Variants in GULP1 observed in about 807,000 individuals in gnomAD.
GULP1 encodes GULP PTB domain containing engulfment adaptor 1.
Under a neutral mutation model 40.9 loss-of-function variants are expected in GULP1, and 19 were observed. The ratio of observed to expected loss-of-function variants is 0.46; its 90% CI spans 0.32 to 0.68. The LOEUF (loss-of-function observed/expected upper bound fraction) is 0.68, where lower values mean the gene tolerates loss of function less well. Among genes scored for constraint, GULP1 ranks in the 30% least tolerant of loss-of-function variants. The pLI is 0.03. For synonymous variants in GULP1, 119 were observed against 117.6 expected, an observed-to-expected ratio of 1.01 and a Z score of -0.08; for missense variants, 312 against 362.2, an observed-to-expected ratio of 0.86 and a Z score of 1.12.
intron 1 of GULP1, among the ~76,000 whole-genome samples, chr2:188,337,667 G>T (rs937337995): frequency 6.6e-6 from 1 of 151,880 alleles, no homozygotes; most frequent in African/African-American, 2.4e-5. Flanking sequence ...GTAGACTTTG[G>T]TGAGTGTGCC....
At chr2:188,344,689 G>A (rs562288026) in intron 1 of GULP1, among the ~76,000 whole-genome samples, 96 of 152,184 alleles carry the variant, frequency 6.3e-4, no homozygotes, top group Non-Finnish European at 1.1e-3. Context: ...ATCCAGTTGT[G>A]TGGCTATTCT....
At chr2:188,344,916 A>G (rs1335066014) in intron 1 of GULP1, among the ~76,000 whole-genome samples, 2 of 152,252 alleles carry the variant, frequency 1.3e-5, no homozygotes, top group South Asian at 2.1e-4. Context: ...ATCTTTCAAA[A>G]TAAATAGATA....
At chr2:188,313,145 T>C (rs558711821) in intron 1 of GULP1, among the ~76,000 whole-genome samples, 1 of 152,354 alleles carries the variant, frequency 6.6e-6, no homozygotes, top group Admixed American at 6.5e-5. Flanking sequence ...TTGTCAATTT[T>C]GGCTTTTGTT....
intron 3 of GULP1, among the ~76,000 whole-genome samples, chr2:188,479,674 T>A (rs999160873): frequency 1.1e-4 from 17 of 152,142 alleles, no homozygotes; most frequent in South Asian, 6.2e-4. Context: ...GACCTTCTTT[T>A]TATATATATA....
At chr2:188,432,238 C>T (rs2056951301) in intron 2 of GULP1, among the ~76,000 whole-genome samples, 1 of 151,464 alleles carries the variant, frequency 6.6e-6, no homozygotes, top group African/African-American at 2.4e-5. Flanking sequence ...TAATTTACTA[C>T]AATTTAAGAT....
chr2:188,531,225 C>T (rs1437987622), intron 6 of GULP1, among the ~76,000 whole-genome samples: 10 of 152,204 alleles, frequency 6.6e-5, no homozygotes, highest in African/African-American at 2.4e-4. Context: ...GTTTCGCATG[C>T]ACATTAAAGT....
intron 1 of GULP1, among the ~76,000 whole-genome samples, chr2:188,367,145 C>T (rs936838007): frequency 2.0e-5 from 3 of 152,180 alleles, no homozygotes; most frequent in Non-Finnish European, 4.4e-5. Context: ...TGTTGTTTCA[C>T]TACCATAGAG....
intron 1 of GULP1, among the ~76,000 whole-genome samples, chr2:188,343,904 G>A (rs9288154): frequency 0.035 from 5,316 of 152,250 alleles, 174 homozygotes; most frequent in African/African-American, 0.086. Flanking sequence ...CCAGGTTCAA[G>A]CAATTCTCCT....
chr2:188,484,360 A>G (rs2061687297), intron 4 of GULP1, among the ~76,000 whole-genome samples: 1 of 152,214 alleles, frequency 6.6e-6, no homozygotes, highest in African/African-American at 2.4e-5. Flanking sequence ...AATTCAGTTT[A>G]AAACAGAGAC....
At chr2:188,471,039 T>G (rs1379404143) in intron 2 of GULP1, among the ~76,000 whole-genome samples, 2 of 152,122 alleles carry the variant, frequency 1.3e-5, no homozygotes, top group Non-Finnish European at 2.9e-5. Context: ...TGTATTGGAG[T>G]CTAACTCTAT....
intron 4 of GULP1, among the ~76,000 whole-genome samples, chr2:188,485,403 A>T (rs1045559149): frequency 6.6e-6 from 1 of 152,076 alleles, no homozygotes; most frequent in Non-Finnish European, 1.5e-5. Flanking sequence ...ATATGGCCTC[A>T]TGAGTGATAA....
intron 2 of GULP1, among the ~76,000 whole-genome samples, chr2:188,433,149 A>G (rs761863822): frequency 1.3e-5 from 2 of 152,138 alleles, no homozygotes; most frequent in Non-Finnish European, 1.5e-5. Flanking sequence ...ATGAAGTACT[A>G]AAAACCCCAG....
At chr2:188,522,899 A>G in intron 5 of GULP1, 72 bp downstream of exon 5, 1 of 950,310 alleles carries the variant, frequency 1.1e-6, no homozygotes. Flanking sequence ...GATGGAGATC[A>G]AAGCATGAAC....
At chr2:188,424,781 T>C (rs1262399149) in intron 2 of GULP1, among the ~76,000 whole-genome samples, 1 of 151,992 alleles carries the variant, frequency 6.6e-6, no homozygotes, top group Non-Finnish European at 1.5e-5. Flanking sequence ...CTCTCTGTTT[T>C]TGTTTCCCAT....
chr2:188,566,667 G>A (rs189766140), intron 7 of GULP1, among the ~76,000 whole-genome samples: 8 of 151,448 alleles, frequency 5.3e-5, no homozygotes, highest in Middle Eastern at 3.4e-3. Flanking sequence ...GTGGTGGTGC[G>A]TGCCTGTAGT....
chr2:188,563,074 GTTAAAA>G (rs1488206654), intron 7 of GULP1, among the ~76,000 whole-genome samples: 1 of 152,026 alleles, frequency 6.6e-6, no homozygotes, highest in Non-Finnish European at 1.5e-5. Flanking sequence ...AGATAGAAAA[GTTAAAA>G]TTAATCATTT....
At chr2:188,358,470 A>G (rs1424223573) in intron 1 of GULP1, among the ~76,000 whole-genome samples, 1 of 152,140 alleles carries the variant, frequency 6.6e-6, no homozygotes, top group Admixed American at 6.6e-5. Flanking sequence ...TGTATTTTCA[A>G]ATAGGTAGAA....
chr2:188,354,560 C>G (rs2044998641), intron 1 of GULP1, among the ~76,000 whole-genome samples: 1 of 152,142 alleles, frequency 6.6e-6, no homozygotes, highest in Non-Finnish European at 1.5e-5. Context: ...CCTAGGACCT[C>G]AGCTTCACAG....
At chr2:188,569,960 A>C in intron 8 of GULP1, 68 bp from the exon 9 acceptor site, 1 of 660,244 alleles carries the variant, frequency 1.5e-6, no homozygotes, top group Non-Finnish European at 2.7e-6. Flanking sequence ...ATTCCTACTC[A>C]TAACTGTAGC....
Sources: gnomAD v4.1 joint callset for allele counts (sites outside exome capture counted in the v4.1 genomes callset) on GRCh38, gnomAD v4.1.1 for gene constraint, MANE v1.5 for transcripts, NCBI Gene and HGNC (gene_info 2026-07-23, HGNC 2026-07-21) for gene names.